Variants in SYT16 observed in about 807,000 individuals in gnomAD.
The protein encoded by SYT16 is synaptotagmin-16.
In SYT16, 42 loss-of-function variants were observed where a neutral mutation model predicts 61.4. That is an observed-to-expected ratio of 0.68 (90% CI 0.53 to 0.89). The LOEUF is 0.89. SYT16 is among the 40% of genes least tolerant of loss of function. SYT16 has a pLI of 0.00. For synonymous variants in SYT16, 314 were observed against 302.3 expected, an observed-to-expected ratio of 1.04 and a Z score of -0.40; for missense variants, 804 against 807.3, an observed-to-expected ratio of 1.00 and a Z score of 0.05.
chr14:62,061,618 G>A (rs1338750998), intron 3 of SYT16, among the ~76,000 whole-genome samples: 2 of 152,092 alleles, frequency 1.3e-5, no homozygotes, highest in Admixed American at 6.6e-5. Context: ...AGACAAAGTA[G>A]ACTTCAAGAC....
In SYT16 at chr14:62,060,643, C is replaced by T. The variant is rs546858301; in HGVS notation, c.524-8960C>T. 2.8e-4 allele frequency among the ~76,000 whole-genome samples: 42 copies of T among 151,940 alleles called. No individual in the cohort carries two copies. In the South Asian group the frequency reaches 4.8e-3, roughly 17 times the overall value. ...ATTGCATCAACTTTAGTATCTTAAA[C>T]CAACCTTGCCTCTCTAGGGTAAACC... On this transcript the variant is annotated intron_variant, in intron 3 of 7. Coordinates refer to ENST00000683842, the MANE Select transcript of SYT16 (RefSeq NM_001367656.1).
intron 1 of SYT16, among the ~76,000 whole-genome samples, chr14:61,968,837 G>A (rs553208006): frequency 1.3e-5 from 2 of 152,306 alleles, no homozygotes; most frequent in African/African-American, 4.8e-5. Context: ...GCTTCTGAAG[G>A]GAGAGGGCAT....
chr14:61,892,204 A>C (rs2048160951), intron 1 of SYT16, among the ~76,000 whole-genome samples: 1 of 150,252 alleles, frequency 6.7e-6, no homozygotes, highest in Non-Finnish European at 1.5e-5. Flanking sequence ...CTTTCCCCTG[A>C]CCCTCCGTCT....
chr14:61,909,632 C>T (rs1400147573), intron 1 of SYT16, among the ~76,000 whole-genome samples: 2 of 152,134 alleles, frequency 1.3e-5, no homozygotes, highest in East Asian at 3.9e-4. Flanking sequence ...TCCAAAGACC[C>T]CTTTTTCCCA....
intron 5 of SYT16, among the ~76,000 whole-genome samples, chr14:62,076,903 C>T (rs576918944): frequency 2.0e-5 from 3 of 152,124 alleles, no homozygotes; most frequent in East Asian, 1.9e-4. Flanking sequence ...ATAGAAGACT[C>T]GGTATTGAGG....
intron 5 of SYT16, among the ~76,000 whole-genome samples, chr14:62,075,603 G>GT (rs763206958): frequency 3.8e-4 from 38 of 100,940 alleles, no homozygotes; most frequent in South Asian, 2.2e-3. Flanking sequence ...AGGATGAACG[G>GT]TAAAAAAAAA....
rs1157452003 is a variant in SYT16 at position 61,858,958 on chromosome 14, C to T, written c.-325+46148C>T. ...CAACCTCCGCCTCCTGGGTTCACGC[C>T]ATTCTCCTGCCTCAGCCTCCCGAGT... is the stretch of plus-strand genomic sequence containing the variant. On this transcript the variant is annotated intron_variant, in intron 1 of 7. Coordinates refer to ENST00000683842, the MANE Select transcript of SYT16 (RefSeq NM_001367656.1). Among the ~76,000 whole-genome samples the T allele has an allele frequency of 2.0e-5, 3 of 151,404 alleles. No homozygotes were observed. In the East Asian group the frequency reaches 5.8e-4, roughly 29 times the overall value.
rs181106643 is a variant in SYT16, at chr14:62,077,140, A to T, written c.993+1749A>T. 1.4e-3 allele frequency among the ~76,000 whole-genome samples: 210 copies of T among 152,312 alleles called. 2 individuals carry two copies. The highest frequency in any genetic ancestry group is 0.01 in the Middle Eastern group (3 of 294). On this transcript the variant is annotated intron_variant, in intron 5 of 7. Transcript: ENST00000683842. ...TTGAGAACTCTGTCTTCCCCTGTGTATCTGGCATCAGGAACATATTGTAGG... is the reference window on the plus strand; with the variant it reads ...TTGAGAACTCTGTCTTCCCCTGTGTTTCTGGCATCAGGAACATATTGTAGG...
chr14:61,986,655 A>G (rs2052330210), intron 2 of SYT16, among the ~76,000 whole-genome samples: 1 of 151,962 alleles, frequency 6.6e-6, no homozygotes, highest in Non-Finnish European at 1.5e-5. Flanking sequence ...CTTGTGTCCA[A>G]GTGTTCTCAT....
At position 62,110,821 on chromosome 14, in the gene SYT16, A is replaced by G. The variant is rs1224764206; in HGVS notation, c.*10114A>G. 6.6e-6 allele frequency: 1 copy of G among 152,018 alleles called. No individual in the cohort carries two copies. The highest frequency in any genetic ancestry group is 1.5e-5 in the Non-Finnish European group (1 of 67,928). 9.4% of individuals were successfully genotyped at this position (152,018 alleles called of 1,614,324 possible). On this transcript the variant is annotated 3_prime_UTR_variant, in exon 8 of 8. Coordinates refer to ENST00000683842, the MANE Select transcript of SYT16 (RefSeq NM_001367656.1). ...AATGGAATAGCTTTTCCTCCCCTACAAAGTGGATTTGAATACAGTCCTTAG... is the reference window on the plus strand; with the variant it reads ...AATGGAATAGCTTTTCCTCCCCTACGAAGTGGATTTGAATACAGTCCTTAG...
intron 3 of SYT16, among the ~76,000 whole-genome samples, chr14:62,000,420 T>C (rs1204289649): frequency 6.6e-6 from 1 of 151,992 alleles, no homozygotes; most frequent in Non-Finnish European, 1.5e-5. Context: ...TGATATATTC[T>C]TTTCCATTCT....
chr14:61,880,153 C>A (rs1262632998), intron 1 of SYT16, among the ~76,000 whole-genome samples: 1 of 152,236 alleles, frequency 6.6e-6, no homozygotes, highest in Non-Finnish European at 1.5e-5. Context: ...ACTGGGCATG[C>A]ATCCTCATTT....
intron 2 of SYT16, among the ~76,000 whole-genome samples, chr14:61,986,818 A>G (rs1383702849): frequency 6.6e-6 from 1 of 152,236 alleles, no homozygotes; most frequent in East Asian, 1.9e-4. Flanking sequence ...TGAAAGAAGC[A>G]GTATGTAATA....
At chr14:62,068,593 T>C (rs1158519252) in intron 3 of SYT16, among the ~76,000 whole-genome samples, 1 of 152,194 alleles carries the variant, frequency 6.6e-6, no homozygotes, top group Non-Finnish European at 1.5e-5. Flanking sequence ...AAAGTAACTA[T>C]GTGAGGTGAT....
chr14:62,067,605 G>A (rs928338294), intron 3 of SYT16, among the ~76,000 whole-genome samples: 11 of 152,192 alleles, frequency 7.2e-5, no homozygotes, highest in East Asian at 5.8e-4. Flanking sequence ...AAAAGACATC[G>A]TGTGTTGGTG....
At chr14:62,075,604 TAAA>T (rs376818967) in intron 5 of SYT16, among the ~76,000 whole-genome samples, 1 of 61,418 alleles carries the variant, frequency 1.6e-5, no homozygotes. Context: ...GGATGAACGG[TAAA>T]AAAAAAAAAA....
Position 62,100,779 on chromosome 14 carries a change from C to A in SYT16, c.*72C>A. 1 of 1,490,234 alleles carries A rather than the reference C, an allele frequency of 6.7e-7. No homozygotes were observed. The highest frequency in any genetic ancestry group is 9.0e-7 in the Non-Finnish European group (1 of 1,107,786). The allele number at this position is 1,490,234 out of a possible 1,614,324, so 92.3% of individuals were successfully genotyped here. A position where few individuals can be genotyped will look rare whatever the true frequency, so the allele number is the denominator to read the frequency against. Reference sequence around the variant, plus strand: ...GTTGCTGTCTACTGACACTAAGTGTCCTGGCAAGGGTTTCAGGGTTTCAAA... The same window carrying A: ...GTTGCTGTCTACTGACACTAAGTGTACTGGCAAGGGTTTCAGGGTTTCAAA... On this transcript the variant is annotated 3_prime_UTR_variant, in exon 8 of 8. Coordinates refer to ENST00000683842, the MANE Select transcript of SYT16 (RefSeq NM_001367656.1).
chr14:61,865,348 A>G (rs2047114036), intron 1 of SYT16: 1 of 675,572 alleles, frequency 1.5e-6, no homozygotes, highest in Non-Finnish European at 2.7e-6. Context: ...AGCAGTCCGG[A>G]AAGGGAAACA....
chr14:61,825,472 G>T (rs1356210723), intron 1 of SYT16, among the ~76,000 whole-genome samples: 73 of 152,272 alleles, frequency 4.8e-4, no homozygotes, highest in Non-Finnish European at 2.9e-5. Context: ...CTTGAACCCA[G>T]GAGTTTGAGA....
Sources: gnomAD v4.1 joint callset for allele counts (sites outside exome capture counted in the v4.1 genomes callset) on GRCh38, gnomAD v4.1.1 for gene constraint, MANE v1.5 for transcripts, NCBI Gene and HGNC (gene_info 2026-07-23, HGNC 2026-07-21) for gene names.